Variants in AAK1 observed in about 807,000 individuals in gnomAD.
AAK1 encodes the protein AP2-associated protein kinase 1.
Under a neutral mutation model 116.0 loss-of-function variants are expected in AAK1, and 37 were observed. That is an observed-to-expected ratio of 0.32 (90% CI 0.25 to 0.42). The LOEUF (loss-of-function observed/expected upper bound fraction) is 0.42. Among genes scored for constraint, AAK1 ranks in the 10% least tolerant of loss-of-function variants. The pLI, the probability that AAK1 is intolerant of heterozygous loss-of-function variation, is 1.00. For missense variants in AAK1, 919 were observed against 1,170.6 expected, an observed-to-expected ratio of 0.79 and a Z score of 3.14; for synonymous variants, 458 against 439.9, an observed-to-expected ratio of 1.04 and a Z score of -0.51.
At chr2:69,485,126 T>C (rs1675243595) in intron 17 of AAK1, among the ~76,000 whole-genome samples, 1 of 152,206 alleles carries the variant, frequency 6.6e-6, no homozygotes, top group Non-Finnish European at 1.5e-5. Context: ...TAGTTTTTGC[T>C]TCATTCCTCT....
chr2:69,572,865 A>G (rs1229998594), intron 2 of AAK1, among the ~76,000 whole-genome samples: 1 of 152,074 alleles, frequency 6.6e-6, no homozygotes, highest in African/African-American at 2.4e-5. Flanking sequence ...AGTGACTCCA[A>G]GGAAGTGAGA....
At position 69,474,815 on chromosome 2, in the gene AAK1, C is replaced by T. The variant is rs946150237; in HGVS notation, c.*1054G>A. 8 of 985,716 alleles carry T rather than the reference C, an allele frequency of 8.1e-6. No individual in the cohort carries two copies. Among genetic ancestry groups the T allele is most frequent in the Non-Finnish European group, 9.6e-6 (8 of 829,908 alleles). 61.1% of individuals were successfully genotyped at this position (985,716 alleles called of 1,614,324 possible). ...GTTATACAAGGGAAAGAAATCAAAA[C>T]CCTGTACAGACACCTGATATCAGAC... On this transcript the variant is annotated 3_prime_UTR_variant, in exon 22 of 22. Coordinates refer to ENST00000409085, the MANE Select transcript of AAK1 (RefSeq NM_014911.5).
Position 69,475,696 on chromosome 2 carries a change from G to T in AAK1, c.*173C>A. On this transcript the variant is annotated 3_prime_UTR_variant, in exon 22 of 22. Coordinates refer to ENST00000409085, the MANE Select transcript of AAK1 (RefSeq NM_014911.5). ...GCCAAGGAATATCTGGAGGGCCAAA[G>T]TGATTTTCTTTCCTTATCATTTCTA... 2 of 1,393,608 alleles carry T rather than the reference G, an allele frequency of 1.4e-6. No homozygotes were observed. Among genetic ancestry groups the T allele is most frequent in the East Asian group, 5.1e-5 (2 of 39,294 alleles). The allele number at this position is 1,393,608 out of a possible 1,614,324, so 86.3% of individuals were successfully genotyped here.
rs376397801 is a variant in AAK1 at position 69,480,820 on chromosome 2, C to T, written c.2569+40G>A. ...AAAAGACTGGCTCAGAGGTTCACCACACCGACCAGTCCCTGCAGCTGCAGA... is the reference window on the plus strand; with the variant it reads ...AAAAGACTGGCTCAGAGGTTCACCATACCGACCAGTCCCTGCAGCTGCAGA... On this transcript the variant is annotated intron_variant, in intron 19 of 21. Coordinates refer to ENST00000409085, the MANE Select transcript of AAK1 (RefSeq NM_014911.5). The T allele has an allele frequency of 9.1e-5, 140 of 1,532,762 alleles. No homozygotes were observed. The African/African-American group carries it at 1.8e-3, about 20-fold the overall frequency. The allele number at this position is 1,532,762 out of a possible 1,614,324, so 94.9% of individuals were successfully genotyped here.
In AAK1 at chr2:69,643,669, C is replaced by T. The variant is rs1337004601; in HGVS notation, c.-329G>A. 11 of 1,224,960 alleles carry T rather than the reference C, an allele frequency of 9.0e-6. No individual in the cohort carries two copies. The highest frequency in any genetic ancestry group is 1.1e-5 in the Non-Finnish European group (11 of 983,704). 75.9% of individuals were successfully genotyped at this position (1,224,960 alleles called of 1,614,324 possible). A position where few individuals can be genotyped will look rare whatever the true frequency, so the allele number is the denominator to read the frequency against. ...GCGACGCAGAGAAGAGGCGGCGCTG[C>T]AGCGAGAGCCGGGGCCGCGCTCGGC... is the stretch of plus-strand genomic sequence containing the variant. On this transcript the variant is annotated 5_prime_UTR_variant, in exon 1 of 22. Transcript: ENST00000409085.
At position 69,509,387 on chromosome 2, in the gene AAK1, C is replaced by G. The variant is rs1676305275; in HGVS notation, c.1850G>C (p.Gly617Ala). 1.9e-6 allele frequency: 3 copies of G among 1,613,946 alleles called. No individual in the cohort carries two copies. Among genetic ancestry groups the G allele is most frequent in the Non-Finnish European group, 2.5e-6 (3 of 1,179,888 alleles). ...PPPAVQGQKV[G>A]SLTPPSSPKT... is the part of the protein sequence containing the mutation. ...GGGGGATGAGGGTGGAGTGAGAGAT[C>G]CAACTTTCTGCCCCTGGACGGCAGG... Residue 617 changes from glycine to alanine, a missense_variant, in exon 14 of 22, where the codon GGA (glycine) becomes GCA (alanine). Gly to Ala is a moderately conservative substitution (Grantham distance 60). Around this residue, in one of 4 missense-constraint regions of AAK1, gnomAD observed 125 missense variants for 184.1 expected, o/e 0.68. Coordinates refer to ENST00000409085, the MANE Select transcript of AAK1 (RefSeq NM_014911.5).
At position 69,501,697 on chromosome 2, in the gene AAK1, G is replaced by A. The variant is rs1304059991; in HGVS notation, c.2269+3872C>T. 2.0e-5 allele frequency among the ~76,000 whole-genome samples: 3 copies of A among 152,160 alleles called. 1 individual carries two copies. Among genetic ancestry groups the A allele is most frequent in the South Asian group, 4.1e-4 (2 of 4,836 alleles). ...AAGAAAAACAAGAAAATGGCCAGGC[G>A]AGGTGGCTCACGCCTGTAATCCCAG... On this transcript the variant is annotated intron_variant, in intron 16 of 21. Coordinates refer to ENST00000409085, the MANE Select transcript of AAK1 (RefSeq NM_014911.5).
At position 69,460,176 on chromosome 2, in the gene AAK1, C is replaced by G. The variant is rs755622707; in HGVS notation, c.*15693G>C. On this transcript the variant is annotated 3_prime_UTR_variant, in exon 22 of 22. Coordinates refer to ENST00000409085, the MANE Select transcript of AAK1 (RefSeq NM_014911.5). ...GCAACCATTTCACAGTCGACTGGCA[C>G]GTGTTCTCCAATTTCAGTTCCAAAC... is the stretch of plus-strand genomic sequence containing the variant. 1.3e-5 allele frequency: 2 copies of G among 152,572 alleles called. No individual in the cohort carries two copies. Among genetic ancestry groups the G allele is most frequent in the Non-Finnish European group, 1.5e-5 (1 of 68,040 alleles). 9.5% of individuals were successfully genotyped at this position (152,572 alleles called of 1,614,324 possible). A position where few individuals can be genotyped will look rare whatever the true frequency, so the allele number is the denominator to read the frequency against.
In AAK1 at chr2:69,643,589, C is replaced by T; in HGVS notation, c.-249G>A. The stretch of plus-strand genomic sequence containing the variant: ...GCAGCACCCACTTGAGACGGCTCGG[C>T]GGCCGGCGCCCTGCTACCAGCCCCG... On this transcript the variant is annotated 5_prime_UTR_variant, in exon 1 of 22. Transcript: ENST00000409085. The T allele has an allele frequency of 9.0e-6, 11 of 1,228,610 alleles. No homozygotes were observed. The highest frequency in any genetic ancestry group is 1.1e-5 in the Non-Finnish European group (11 of 986,144). 76.1% of individuals were successfully genotyped at this position (1,228,610 alleles called of 1,614,324 possible).
At chr2:69,570,162 T>G (rs1204037532) in intron 2 of AAK1, among the ~76,000 whole-genome samples, 1 of 152,072 alleles carries the variant, frequency 6.6e-6, no homozygotes, top group Non-Finnish European at 1.5e-5. Context: ...GCCTCATCTC[T>G]CAATACTCCC....
chr2:69,485,339 T>C (rs1160201663), intron 17 of AAK1, among the ~76,000 whole-genome samples: 3 of 152,232 alleles, frequency 2.0e-5, no homozygotes, highest in Admixed American at 1.3e-4. Flanking sequence ...TCTGGTGACA[T>C]GTTGTGACTC....
intron 13 of AAK1, 66 bp downstream of exon 13, chr2:69,514,405 C>G (rs1190450267): frequency 6.9e-7 from 1 of 1,459,094 alleles, no homozygotes; most frequent in Non-Finnish European, 9.1e-7. Flanking sequence ...CTTTCCCACC[C>G]TTCCCCTAGC....
chr2:69,553,624 A>G (rs1232419287), intron 3 of AAK1, among the ~76,000 whole-genome samples: 1 of 151,400 alleles, frequency 6.6e-6, no homozygotes, highest in African/African-American at 2.4e-5. Flanking sequence ...TTGTATTTTT[A>G]GTAGACAAGG....
At chr2:69,642,124 A>G (rs530080471) in intron 2 of AAK1, among the ~76,000 whole-genome samples, 25 of 152,262 alleles carry the variant, frequency 1.6e-4, no homozygotes, top group African/African-American at 5.3e-4. Flanking sequence ...ACACAGAGGG[A>G]ATTTATGCAG....
intron 13 of AAK1, 23 bp from the exon 14 acceptor site, chr2:69,509,483 G>A: frequency 6.4e-7 from 1 of 1,565,540 alleles, no homozygotes; most frequent in East Asian, 2.3e-5. Context: ...GAGACGGAAA[G>A]TGTTTCATTA....
chr2:69,570,309 G>A (rs542277312), intron 2 of AAK1, among the ~76,000 whole-genome samples: 1 of 151,668 alleles, frequency 6.6e-6, no homozygotes, highest in East Asian at 1.9e-4. Flanking sequence ...TTGACAAAAT[G>A]AGTTTACAAT....
chr2:69,507,474 G>A lies in AAK1; in HGVS notation c.2111C>T (p.Ser704Phe), dbSNP rs1001476022. The A allele has an allele frequency of 1.9e-6, 3 of 1,612,970 alleles. No individual in the cohort carries two copies. Among genetic ancestry groups the A allele is most frequent in the South Asian group, 1.1e-5 (1 of 90,728 alleles). The stretch of plus-strand genomic sequence containing the variant: ...TAGCAGTTCTTCAGCTGTGAGTTTG[G>A]AGAAATTATCGTCATCAAAGGGATT... ...TWNPFDDDNF[S>F]KLTAEELLNK... The change falls in exon 15 of 22, where the codon TCC becomes TTC. Residue 704 changes from serine to phenylalanine, a missense_variant. Around this residue, in one of 4 missense-constraint regions of AAK1, gnomAD observed 125 missense variants for 184.1 expected, o/e 0.68. Coordinates refer to ENST00000409085, the MANE Select transcript of AAK1 (RefSeq NM_014911.5).
rs777008934 is a variant in AAK1, at chr2:69,471,038, T to C, written c.*4831A>G. 1.7e-5 allele frequency: 17 copies of C among 985,692 alleles called. No individual in the cohort carries two copies. Among genetic ancestry groups the C allele is most frequent in the Non-Finnish European group, 1.9e-5 (16 of 829,908 alleles). 61.1% of individuals were successfully genotyped at this position (985,692 alleles called of 1,614,324 possible). ...GTTCAAATTTCACGTTTTTACTGCATAAGATATCTTCATGTACAACTGTAT... is the reference window on the plus strand; with the variant it reads ...GTTCAAATTTCACGTTTTTACTGCACAAGATATCTTCATGTACAACTGTAT... On this transcript the variant is annotated 3_prime_UTR_variant, in exon 22 of 22. Coordinates refer to ENST00000409085, the MANE Select transcript of AAK1 (RefSeq NM_014911.5).
In AAK1 at chr2:69,469,892, G is replaced by A; in HGVS notation, c.*5977C>T. 2 of 985,416 alleles carry A rather than the reference G, an allele frequency of 2.0e-6. No homozygotes were observed. The highest frequency in any genetic ancestry group is 2.4e-6 in the Non-Finnish European group (2 of 829,938). 61.0% of individuals were successfully genotyped at this position (985,416 alleles called of 1,614,324 possible). ...AGTCTATTTTGAGGCTCCAAATTAT[G>A]TAGATTTCAGCAAGAACTCACATGC... On this transcript the variant is annotated 3_prime_UTR_variant, in exon 22 of 22. Coordinates refer to ENST00000409085, the MANE Select transcript of AAK1 (RefSeq NM_014911.5).
Sources: gnomAD v4.1 joint callset for allele counts (sites outside exome capture counted in the v4.1 genomes callset) on GRCh38, gnomAD v4.1.1 for gene constraint, gnomAD v4.1.1 regional missense constraint, MANE v1.5 for transcripts, NCBI Gene and HGNC (gene_info 2026-07-23, HGNC 2026-07-21) for gene names.